The following GRTP1 variants were observed in gnomAD, a reference collection of about 807,000 sequenced individuals.
GRTP1 encodes growth hormone-regulated TBC protein 1.
In GRTP1, 56 loss-of-function variants were observed where a neutral mutation model predicts 38.1. That is an observed-to-expected ratio of 1.47 (90% CI 1.19 to 1.84). The LOEUF (loss-of-function observed/expected upper bound fraction) is 1.84, where lower values mean the gene tolerates loss of function less well. GRTP1 is among the 40% of genes most tolerant of loss of function. GRTP1 has a pLI of 0.00. For missense variants in GRTP1, 506 were observed against 453.9 expected, an observed-to-expected ratio of 1.11 and a Z score of -1.04; for synonymous variants, 217 against 189.5, an observed-to-expected ratio of 1.14 and a Z score of -1.19.
intron 4 of GRTP1, among the ~76,000 whole-genome samples, chr13:113,350,612 C>T (rs1053539996): frequency 2.0e-5 from 3 of 152,130 alleles, no homozygotes; most frequent in Non-Finnish European, 4.4e-5. Context: ...CCACAGCACT[C>T]GCCCTCTGTG....
intron 5 of GRTP1, among the ~76,000 whole-genome samples, chr13:113,331,063 T>TGGAAACCCAGGTGTGTGCAC: frequency 6.7e-6 from 1 of 150,114 alleles, no homozygotes; most frequent in Non-Finnish European, 1.5e-5. Flanking sequence ...GGTGCGTGGA[T>TGGAAACCCAGGTGTGTGCAC]GGAAACCCAG....
chr13:113,352,314 T>A lies in GRTP1; in HGVS notation c.341-1341A>T, dbSNP rs9549389. The stretch of plus-strand genomic sequence containing the variant: ...TATTTATATATATTTTATATATATT[T>A]TATATATATTTTTATATATATTTTA... On this transcript the variant is annotated intron_variant, in intron 3 of 7. Coordinates refer to ENST00000375431, the MANE Select transcript of GRTP1 (RefSeq NM_024719.4). 7.7e-4 allele frequency among the ~76,000 whole-genome samples: 37 copies of A among 48,190 alleles called. 1 individual carries two copies. In the South Asian group the frequency reaches 0.024, roughly 31 times the overall value. 31.6% of individuals were successfully genotyped at this position (48,190 alleles called of 152,430 possible). A position where few individuals can be genotyped will look rare whatever the true frequency, so the allele number is the denominator to read the frequency against.
intron 5 of GRTP1, among the ~76,000 whole-genome samples, chr13:113,333,417 G>A (rs573764379): frequency 1.3e-5 from 2 of 152,326 alleles, no homozygotes; most frequent in East Asian, 1.9e-4. Context: ...CCACTGCACC[G>A]TACGCTTGAA....
chr13:113,339,259 C>T (rs533702779), intron 5 of GRTP1, among the ~76,000 whole-genome samples: 19 of 152,286 alleles, frequency 1.2e-4, no homozygotes, highest in Non-Finnish European at 5.9e-5. Flanking sequence ...CAGACACTAA[C>T]CCTTTGTTAA....
chr13:113,344,963 A>C lies in GRTP1; in HGVS notation c.466-4T>G. 1 of 1,588,138 alleles carries C rather than the reference A, an allele frequency of 6.3e-7. No individual in the cohort carries two copies. The highest frequency in any genetic ancestry group is 8.5e-7 in the Non-Finnish European group (1 of 1,173,786). Reference sequence around the variant, plus strand: ...ATCCTGCTATAAAATTCATTCCCTGAAATTAGAAAAATGAGAAACAAATTC... The same window carrying C: ...ATCCTGCTATAAAATTCATTCCCTGCAATTAGAAAAATGAGAAACAAATTC... On this transcript the variant is annotated splice_polypyrimidine_tract_variant and splice_region_variant and intron_variant, in intron 4 of 7. Transcript: ENST00000375431.
intron 2 of GRTP1, among the ~76,000 whole-genome samples, chr13:113,360,630 C>T (rs1373182058): frequency 6.6e-6 from 1 of 152,214 alleles, no homozygotes; most frequent in East Asian, 1.9e-4. Flanking sequence ...AGTAGAGACA[C>T]GCGATCACTG....
chr13:113,351,520 G>A (rs2043266003), intron 3 of GRTP1, among the ~76,000 whole-genome samples: 1 of 152,184 alleles, frequency 6.6e-6, no homozygotes, highest in Non-Finnish European at 1.5e-5. Context: ...GTGTGTGCAG[G>A]AGGCATCCCT....
intron 5 of GRTP1, among the ~76,000 whole-genome samples, chr13:113,338,164 C>T (rs1434648604): frequency 2.0e-5 from 3 of 152,202 alleles, no homozygotes; most frequent in South Asian, 2.1e-4. Context: ...CGGGACCCAT[C>T]GCCCGCCCGG....
chr13:113,363,639 C>T, intron 2 of GRTP1, 123 bp downstream of exon 2: 3 of 1,019,368 alleles, frequency 2.9e-6, no homozygotes, highest in Non-Finnish European at 4.2e-6. Context: ...CCCGCAGCTT[C>T]GTCCCGACCT....
intron 7 of GRTP1, chr13:113,325,250 G>A (rs2042742138): frequency 1.6e-6 from 2 of 1,222,546 alleles, no homozygotes; most frequent in Non-Finnish European, 2.0e-6. Context: ...TCCCAGGCCT[G>A]AGCCTCTCCT....
At chr13:113,360,809 C>G (rs1282246873) in intron 2 of GRTP1, among the ~76,000 whole-genome samples, 1 of 152,188 alleles carries the variant, frequency 6.6e-6, no homozygotes, top group Non-Finnish European at 1.5e-5. Context: ...TTACATGGTC[C>G]ACTTAACATT....
At chr13:113,332,028 G>C (rs1454800877) in intron 5 of GRTP1, among the ~76,000 whole-genome samples, 1 of 151,554 alleles carries the variant, frequency 6.6e-6, no homozygotes, top group African/African-American at 2.4e-5. Flanking sequence ...CAGCACTCTG[G>C]GAGGCCGAGG....
At chr13:113,351,072 A>C in intron 3 of GRTP1, 99 bp from the exon 4 acceptor site, 1 of 1,502,708 alleles carries the variant, frequency 6.7e-7, no homozygotes, top group Non-Finnish European at 9.2e-7. Flanking sequence ...TCCACTTGGG[A>C]CTTACGGACT....
At position 113,342,186 on chromosome 13, in the gene GRTP1, G is replaced by A. The variant is rs1216592976; in HGVS notation, c.562+2677C>T. Reference sequence around the variant, plus strand: ...TTGAACTCCCCTAAATGCCTGCCTCGGTCTTGCAAAGTGCTAGGATTACAG... The same window carrying A: ...TTGAACTCCCCTAAATGCCTGCCTCAGTCTTGCAAAGTGCTAGGATTACAG... On this transcript the variant is annotated intron_variant, in intron 5 of 7. Coordinates refer to ENST00000375431, the MANE Select transcript of GRTP1 (RefSeq NM_024719.4). This position sits in a 1 kb window ranked among gnomAD's most constrained non-coding sequence, Gnocchi z 4.5. 6.6e-6 allele frequency among the ~76,000 whole-genome samples: 1 copy of A among 151,982 alleles called. No homozygotes were observed. The highest frequency in any genetic ancestry group is 1.5e-5 in the Non-Finnish European group (1 of 67,990).
intron 5 of GRTP1, among the ~76,000 whole-genome samples, chr13:113,335,112 T>G (rs563902592): frequency 1.3e-5 from 2 of 151,748 alleles, no homozygotes; most frequent in African/African-American, 4.8e-5. Context: ...ATGAGCACCA[T>G]GCCTGGCCAA....
rs866080307 is a variant in GRTP1 at position 113,345,980 on chromosome 13, T to C, written c.466-1021A>G. Among the ~76,000 whole-genome samples the C allele has an allele frequency of 3.3e-3, 451 of 135,130 alleles. 5 individuals carry two copies. Among genetic ancestry groups the C allele is most frequent in the African/African-American group, 0.011 (409 of 35,594 alleles). 88.7% of individuals were successfully genotyped at this position (135,130 alleles called of 152,430 possible). A position where few individuals can be genotyped will look rare whatever the true frequency, so the allele number is the denominator to read the frequency against. ...GCCAAAAGCAGACCCAGGAGGACTTTTGTGGCCGAGAGTGGACCCGAGAGG... is the reference window on the plus strand; with the variant it reads ...GCCAAAAGCAGACCCAGGAGGACTTCTGTGGCCGAGAGTGGACCCGAGAGG... On this transcript the variant is annotated intron_variant, in intron 4 of 7. Coordinates refer to ENST00000375431, the MANE Select transcript of GRTP1 (RefSeq NM_024719.4).
Position 113,325,663 on chromosome 13 carries a change from G to T in GRTP1, c.919C>A (p.Gln307Lys). The change falls in exon 7 of 8, where the codon CAG becomes AAG. Residue 307 changes from glutamine to lysine, a missense_variant and splice_region_variant. Gln to Lys is a moderately conservative substitution (Grantham distance 53, BLOSUM62 1). Transcript: ENST00000375431. ...GAGCCACGTGCAGCCCCACACACCT[G>T]CATAAACGTGTGACACTCCATCACG... ...SFVMECHTFMQKIFSEPGSLS... is the reference protein window; with the variant it reads ...SFVMECHTFMKKIFSEPGSLS... The T allele has an allele frequency of 6.2e-7, 1 of 1,607,640 alleles. No homozygotes were observed. The highest frequency in any genetic ancestry group is 1.1e-5 in the South Asian group (1 of 91,072).
In GRTP1 at chr13:113,324,879, T is replaced by TG. The variant is rs1205180990; in HGVS notation, c.922-303dup. ...TCTCACTCTGTTGCCCAGGCTGGAGTGCAGTGGCGCGATCTCGGCTCACTG... is the reference window on the plus strand; with the variant it reads ...TCTCACTCTGTTGCCCAGGCTGGAGTGGCAGTGGCGCGATCTCGGCTCACTG... On this transcript the variant is annotated intron_variant, in intron 7 of 7. Transcript: ENST00000375431. The TG allele has an allele frequency of 1.4e-5, 13 of 922,290 alleles. 1 individual carries two copies. The East Asian group carries it at 1.0e-3, about 74-fold the overall frequency. The allele number at this position is 922,290 out of a possible 1,614,324, so 57.1% of individuals were successfully genotyped here.
chr13:113,346,028 GGGAAGACATCTGTGGCCGAGAGCA>G (rs2043104177), intron 4 of GRTP1, among the ~76,000 whole-genome samples: 2 of 57,368 alleles, frequency 3.5e-5, no homozygotes, highest in South Asian at 6.9e-4. Flanking sequence ...GAGCAGACCT[GGGAAGACATCTGTGGCCGAGAGCA>G]GACCCGGGAG....
Sources: gnomAD v4.1 joint callset for allele counts (sites outside exome capture counted in the v4.1 genomes callset) on GRCh38, gnomAD v4.1.1 for gene constraint, Gnocchi (gnomAD v3.1) non-coding constraint, MANE v1.5 for transcripts, NCBI Gene and HGNC (gene_info 2026-07-23, HGNC 2026-07-21) for gene names.